Variants in ARB2A observed in about 807,000 individuals in gnomAD.
The protein encoded by ARB2A is cotranscriptional regulator ARB2A.
chr5:93,701,336 A>C, the ARB2A span, among the ~76,000 whole-genome samples: 2 of 152,162 alleles, frequency 1.3e-5, no homozygotes, highest in Non-Finnish European at 2.9e-5. Flanking sequence ...ACATATACTT[A>C]CGCATATCTG....
At chr5:93,895,044 C>T in the ARB2A span, among the ~76,000 whole-genome samples, 1 of 152,054 alleles carries the variant, frequency 6.6e-6, no homozygotes, top group Non-Finnish European at 1.5e-5. Flanking sequence ...AAGGCAAATG[C>T]GAGATTAGAC....
At chr5:93,677,004 T>A in the ARB2A span, among the ~76,000 whole-genome samples, 2 of 152,200 alleles carry the variant, frequency 1.3e-5, no homozygotes, top group African/African-American at 4.8e-5. Context: ...CATAAAGATG[T>A]TGACAAATAT....
chr5:93,816,159 A>G, the ARB2A span, among the ~76,000 whole-genome samples: 3 of 152,108 alleles, frequency 2.0e-5, no homozygotes, highest in African/African-American at 7.2e-5. Context: ...TTTGTCCCCT[A>G]GAAGTCCTTT....
chr5:93,669,790 T>G, the ARB2A span, among the ~76,000 whole-genome samples: 2 of 152,178 alleles, frequency 1.3e-5, no homozygotes, highest in Non-Finnish European at 2.9e-5. Context: ...GTTAGACCCT[T>G]ACATTCTAGT....
chr5:93,901,830 T>G, the ARB2A span, among the ~76,000 whole-genome samples: 1 of 152,108 alleles, frequency 6.6e-6, no homozygotes, highest in African/African-American at 2.4e-5. Flanking sequence ...ACATGCCTAA[T>G]AGTTCCCAAC....
chr5:94,079,545 T>C, the ARB2A span, among the ~76,000 whole-genome samples: 1 of 152,190 alleles, frequency 6.6e-6, no homozygotes, highest in Non-Finnish European at 1.5e-5. Flanking sequence ...TCTACCATGT[T>C]GATACAGCCA....
At chr5:94,011,247 T>C in the ARB2A span, among the ~76,000 whole-genome samples, 1 of 152,206 alleles carries the variant, frequency 6.6e-6, no homozygotes, top group Non-Finnish European at 1.5e-5. Flanking sequence ...AATGATGAAG[T>C]GCTCCTCGGC....
chr5:94,030,981 C>T, the ARB2A span, among the ~76,000 whole-genome samples: 2 of 152,160 alleles, frequency 1.3e-5, no homozygotes, highest in African/African-American at 4.8e-5. Context: ...CTTTAACCTC[C>T]CAGTCTCCAG....
the ARB2A span, among the ~76,000 whole-genome samples, chr5:93,907,021 T>TA: frequency 6.6e-6 from 1 of 151,462 alleles, no homozygotes; most frequent in Non-Finnish European, 1.5e-5. Flanking sequence ...TATATAGATA[T>TA]ATGAGCATGC....
the ARB2A span, chr5:93,863,018 A>G: frequency 6.6e-6 from 1 of 152,114 alleles, no homozygotes; most frequent in South Asian, 2.1e-4. Context: ...AGATGAATCC[A>G]GAATATCCAC....
chr5:93,666,871 C>T, the ARB2A span, among the ~76,000 whole-genome samples: 1 of 152,080 alleles, frequency 6.6e-6, no homozygotes, highest in East Asian at 1.9e-4. Context: ...CATGGACTGT[C>T]AACACATAAC....
At chr5:93,627,029 T>C in the ARB2A span, among the ~76,000 whole-genome samples, 1 of 152,250 alleles carries the variant, frequency 6.6e-6, no homozygotes, top group Non-Finnish European at 1.5e-5. Context: ...ATTTCAACAA[T>C]GTTTACAGCA....
chr5:94,051,126 T>C, the ARB2A span, among the ~76,000 whole-genome samples: 1 of 152,184 alleles, frequency 6.6e-6, no homozygotes, highest in African/African-American at 2.4e-5. Flanking sequence ...GCTATTGCCA[T>C]GAACATGGGC....
the ARB2A span, among the ~76,000 whole-genome samples, chr5:94,047,758 T>C: frequency 6.6e-6 from 1 of 152,114 alleles, no homozygotes; most frequent in Non-Finnish European, 1.5e-5. Context: ...CATTTACACA[T>C]GGAATTACCT....
chr5:93,901,531 A>G, the ARB2A span, among the ~76,000 whole-genome samples: 1 of 152,184 alleles, frequency 6.6e-6, no homozygotes, highest in South Asian at 2.1e-4. Context: ...TTATATTCAT[A>G]AATATTCACT....
At chr5:94,067,093 T>C in the ARB2A span, among the ~76,000 whole-genome samples, 1 of 152,192 alleles carries the variant, frequency 6.6e-6, no homozygotes, top group Non-Finnish European at 1.5e-5. Context: ...AAAAACCATA[T>C]GATCATCTCA....
At chr5:93,814,763 T>C in the ARB2A span, among the ~76,000 whole-genome samples, 22 of 152,226 alleles carry the variant, frequency 1.4e-4, no homozygotes, top group African/African-American at 5.3e-4. Context: ...TCAGTAATTA[T>C]CTTTAATAAC....
At chr5:93,845,620 G>C in the ARB2A span, among the ~76,000 whole-genome samples, 1 of 152,218 alleles carries the variant, frequency 6.6e-6, no homozygotes, top group East Asian at 1.9e-4. Context: ...ATAATGGCAA[G>C]GATGCAGGAT....
the ARB2A span, among the ~76,000 whole-genome samples, chr5:93,855,853 CA>C: frequency 3.3e-5 from 5 of 151,872 alleles, no homozygotes; most frequent in African/African-American, 9.7e-5. Flanking sequence ...GATAAAACCA[CA>C]AAGATGGGGA....
Sources: allele counts gnomAD v4.1 joint callset (sites outside exome capture counted in the v4.1 genomes callset), GRCh38; gene constraint gnomAD v4.1.1; transcripts MANE v1.5; gene names NCBI Gene and HGNC (gene_info 2026-07-23, HGNC 2026-07-21).